The following CD1B variants were observed in gnomAD, a reference collection of about 807,000 sequenced individuals.
The protein encoded by CD1B is CD1b molecule.
Under a neutral mutation model 39.8 loss-of-function variants are expected in CD1B, and 43 were observed. The observed-to-expected ratio is 1.08, with a 90% CI of 0.85 to 1.39. CD1B has a LOEUF of 1.39. Among genes scored for constraint, CD1B ranks in the 40% most tolerant of loss-of-function variants. CD1B has a pLI of 0.00. For synonymous variants in CD1B, 192 were observed against 152.5 expected, an observed-to-expected ratio of 1.26 and a Z score of -1.91; for missense variants, 495 against 403.8, an observed-to-expected ratio of 1.23 and a Z score of -1.94.
At chr1:158,329,226 C>T (rs1652480151) in intron 4 of CD1B, 144 bp downstream of exon 4, 3 of 1,127,732 alleles carry the variant, frequency 2.7e-6, no homozygotes, top group Non-Finnish European at 2.5e-6. Flanking sequence ...TCTATTTTTA[C>T]TCCTGTTGGG....
the CD1B span, among the ~76,000 whole-genome samples, chr1:158,307,095 G>A: frequency 6.6e-6 from 1 of 152,156 alleles, no homozygotes; most frequent in Non-Finnish European, 1.5e-5. Context: ...CTGAACTGAA[G>A]GAAATAAGAG....
At chr1:158,303,800 G>A in the CD1B span, among the ~76,000 whole-genome samples, 2 of 152,272 alleles carry the variant, frequency 1.3e-5, no homozygotes, top group African/African-American at 4.8e-5. Flanking sequence ...AATATTTCAT[G>A]CTCATGGATT....
chr1:158,285,922 C>T, the CD1B span, among the ~76,000 whole-genome samples: 67 of 151,978 alleles, frequency 4.4e-4, 1 homozygote, highest in Non-Finnish European at 3.7e-4. Flanking sequence ...GTGGGGTTTC[C>T]GTAATGGGGA....
the CD1B span, chr1:158,293,409 C>A: frequency 6.2e-7 from 1 of 1,607,728 alleles, no homozygotes; most frequent in South Asian, 1.1e-5. Context: ...CCTCAGTTAC[C>A]ACCTCCAACT....
In CD1B at chr1:158,330,986, G is replaced by A. The variant is rs772423469; in HGVS notation, c.138C>T (p.Gly46=). ...TCTGCAAATCATCCAACCAGCCTGA[G>A]CCTTGAGTTTGTGCCCAGGTACTAT... ...FTNSTWAQTQ[G]SGWLDDLQIH... The change falls in exon 2 of 6, where the codon GGC becomes GGT. Residue 46 remains glycine, a synonymous_variant. Transcript: ENST00000368168. The A allele has an allele frequency of 1.2e-6, 2 of 1,614,126 alleles. No homozygotes were observed. The highest frequency in any genetic ancestry group is 1.1e-5 in the South Asian group (1 of 91,084).
chr1:158,319,384 A>T, the CD1B span, among the ~76,000 whole-genome samples: 1 of 151,790 alleles, frequency 6.6e-6, no homozygotes, highest in African/African-American at 2.4e-5. Flanking sequence ...TTTTTCTCTA[A>T]ACTTCCCTTC....
At chr1:158,303,481 T>G in the CD1B span, among the ~76,000 whole-genome samples, 513 of 152,268 alleles carry the variant, frequency 3.4e-3, 10 homozygotes, top group East Asian at 0.068. Context: ...GAAGTTAAAT[T>G]ATCTCTTTCT....
the CD1B span, among the ~76,000 whole-genome samples, chr1:158,320,071 C>G: frequency 1.3e-5 from 2 of 152,218 alleles, no homozygotes; most frequent in African/African-American, 4.8e-5. Context: ...TCAAAGCTGT[C>G]AGACAGGGAC....
chr1:158,329,748 C>T (rs947013148), intron 3 of CD1B, 100 bp from the exon 4 acceptor site: 4 of 1,559,514 alleles, frequency 2.6e-6, no homozygotes, highest in Non-Finnish European at 3.5e-6. Context: ...CCATTCACTC[C>T]TTTGGGAACC....
the CD1B span, among the ~76,000 whole-genome samples, chr1:158,319,052 TC>T: frequency 6.6e-6 from 1 of 151,852 alleles, no homozygotes; most frequent in Non-Finnish European, 1.5e-5. Flanking sequence ...CTGATGGGCT[TC>T]CCTTTGAGGG....
the CD1B span, among the ~76,000 whole-genome samples, chr1:158,287,283 G>GCACACA: frequency 7.4e-4 from 110 of 149,164 alleles, 4 homozygotes; most frequent in South Asian, 0.023. Flanking sequence ...CATGGTGGGT[G>GCACACA]CACACACACA....
At chr1:158,288,811 G>A in the CD1B span, among the ~76,000 whole-genome samples, 2 of 152,228 alleles carry the variant, frequency 1.3e-5, no homozygotes, top group Non-Finnish European at 2.9e-5. Flanking sequence ...CTGTGTTCAT[G>A]TATTTACACA....
At chr1:158,292,231 C>G in the CD1B span, 1 of 1,613,976 alleles carries the variant, frequency 6.2e-7, no homozygotes, top group African/African-American at 1.3e-5. Flanking sequence ...GGAAGTTTGG[C>G]CCAAAGTGTC....
At chr1:158,312,806 T>G in the CD1B span, among the ~76,000 whole-genome samples, 1 of 152,338 alleles carries the variant, frequency 6.6e-6, no homozygotes, top group Admixed American at 6.5e-5. Context: ...AGGGATAATT[T>G]GACTTCCTTC....
chr1:158,289,741 G>A, the CD1B span: 4 of 224,962 alleles, frequency 1.8e-5, no homozygotes, highest in Non-Finnish European at 3.5e-5. Context: ...AAAATCCAGA[G>A]GGACAAAATG....
chr1:158,303,631 T>A, the CD1B span, among the ~76,000 whole-genome samples: 1 of 152,136 alleles, frequency 6.6e-6, no homozygotes, highest in Non-Finnish European at 1.5e-5. Flanking sequence ...ATCAATAAAG[T>A]CCAGACCGAG....
the CD1B span, among the ~76,000 whole-genome samples, chr1:158,286,307 G>T: frequency 6.6e-6 from 1 of 152,190 alleles, no homozygotes; most frequent in Admixed American, 6.5e-5. Context: ...TCTCCCCATT[G>T]CATTTTATAT....
chr1:158,293,417 A>G, the CD1B span: 2 of 1,611,666 alleles, frequency 1.2e-6, no homozygotes, highest in Non-Finnish European at 1.7e-6. Context: ...ACCACCTCCA[A>G]CTTATTCAGG....
At chr1:158,301,758 G>A in the CD1B span, among the ~76,000 whole-genome samples, 3 of 152,036 alleles carry the variant, frequency 2.0e-5, no homozygotes, top group Non-Finnish European at 4.4e-5. Context: ...TGATAATTAT[G>A]TGTCTTGGGG....
Sources: allele counts gnomAD v4.1 joint callset (sites outside exome capture counted in the v4.1 genomes callset), GRCh38; gene constraint gnomAD v4.1.1; transcripts MANE v1.5; gene names NCBI Gene and HGNC (gene_info 2026-07-23, HGNC 2026-07-21).